Variants in SLC35D1 observed in about 807,000 individuals in gnomAD.
The protein encoded by SLC35D1 is nucleotide sugar transporter SLC35D1.
A neutral mutation model predicts 46.7 loss-of-function variants in SLC35D1; 31 were observed. That is an observed-to-expected ratio of 0.66 (90% CI 0.50 to 0.90). The LOEUF is 0.90. SLC35D1 is among the 40% of genes least tolerant of loss of function. The pLI, the probability that SLC35D1 is intolerant of heterozygous loss-of-function variation, is 0.00. For missense variants in SLC35D1, 397 were observed against 426.2 expected, an observed-to-expected ratio of 0.93 and a Z score of 0.60; for synonymous variants, 195 against 164.6, an observed-to-expected ratio of 1.18 and a Z score of -1.41.
At position 67,052,226 on chromosome 1, in the gene SLC35D1, A is replaced by C. The variant is rs888460481; in HGVS notation, c.325-147T>G. The C allele has an allele frequency of 7.6e-6, 5 of 659,240 alleles. No homozygotes were observed. In the Admixed American group the frequency reaches 9.8e-5, roughly 13 times the overall value. The allele number at this position is 659,240 out of a possible 1,614,324, so 40.8% of individuals were successfully genotyped here. A position where few individuals can be genotyped will look rare whatever the true frequency, so the allele number is the denominator to read the frequency against. ...GTTATCATACACAATTTTGACACCC[A>C]AACACCCAAACAAAACTTATGCTTG... On this transcript the variant is annotated intron_variant, in intron 3 of 11. Coordinates refer to ENST00000235345, the MANE Select transcript of SLC35D1 (RefSeq NM_015139.3).
At chr1:67,019,460 T>C (rs937753572) in intron 10 of SLC35D1, among the ~76,000 whole-genome samples, 4 of 152,206 alleles carry the variant, frequency 2.6e-5, no homozygotes, top group Non-Finnish European at 5.9e-5. Context: ...ATTTCATGAT[T>C]TGAAACCACA....
chr1:66,987,810 A>G, the SLC35D1 span: 1 of 152,202 alleles, frequency 6.6e-6, no homozygotes, highest in Non-Finnish European at 1.5e-5. Flanking sequence ...GACATATTGC[A>G]CTACTTTTTC....
chr1:66,978,539 C>A, the SLC35D1 span, among the ~76,000 whole-genome samples: 1 of 151,986 alleles, frequency 6.6e-6, no homozygotes, highest in Admixed American at 6.5e-5. Context: ...TGGTAGTATT[C>A]AAGCATAATA....
chr1:67,053,896 A>G lies in SLC35D1; in HGVS notation c.118T>C (p.Phe40Leu), dbSNP rs1313892822. The G allele has an allele frequency of 6.2e-7, 1 of 1,613,690 alleles. No homozygotes were observed. Among genetic ancestry groups the G allele is most frequent in the Non-Finnish European group, 8.5e-7 (1 of 1,179,728 alleles). The change falls in exon 1 of 12, where the codon TTT becomes CTT. Residue 40 changes from phenylalanine (F) to leucine (L), a missense_variant. Phe to Leu is a conservative substitution (Grantham distance 22). Coordinates refer to ENST00000235345, the MANE Select transcript of SLC35D1 (RefSeq NM_015139.3). ...AAGCCGGCGGCCAGCAGCTTCAGAA[A>G]CACGGTCAGCGTTTCGGCCGACGCC... is the stretch of plus-strand genomic sequence containing the variant. ...GMASAETLTV[F>L]LKLLAAGFYG... is the part of the protein sequence containing the mutation.
At chr1:67,052,566 C>T (rs532021836) in intron 3 of SLC35D1, among the ~76,000 whole-genome samples, 2 of 152,190 alleles carry the variant, frequency 1.3e-5, no homozygotes, top group African/African-American at 4.8e-5. Flanking sequence ...GAAGAATATT[C>T]CTAGGTTATT....
chr1:67,012,463 T>C (rs372031679), intron 10 of SLC35D1, among the ~76,000 whole-genome samples: 1 of 146,496 alleles, frequency 6.8e-6, no homozygotes, highest in African/African-American at 2.5e-5. Flanking sequence ...AAGAGACTAT[T>C]AGATTGAGTC....
the SLC35D1 span, chr1:66,986,364 T>A: frequency 6.3e-7 from 1 of 1,597,548 alleles, no homozygotes; most frequent in Non-Finnish European, 8.5e-7. Flanking sequence ...ATATCCAAAC[T>A]TTTATAAAAT....
intron 10 of SLC35D1, among the ~76,000 whole-genome samples, chr1:67,010,227 G>A (rs942464831): frequency 2.6e-5 from 4 of 152,136 alleles, no homozygotes; most frequent in Non-Finnish European, 4.4e-5. Flanking sequence ...AAGACTACCT[G>A]TTGAGTACTA....
chr1:67,043,090 G>A (rs552238826), intron 7 of SLC35D1, among the ~76,000 whole-genome samples: 2 of 152,216 alleles, frequency 1.3e-5, no homozygotes, highest in South Asian at 4.1e-4. Context: ...AGCTACTTGG[G>A]AGGCTGAGGC....
At chr1:66,988,783 C>T in the SLC35D1 span, among the ~76,000 whole-genome samples, 3 of 152,142 alleles carry the variant, frequency 2.0e-5, no homozygotes, top group Non-Finnish European at 4.4e-5. Context: ...CATTATGTTT[C>T]CATATACTCT....
At chr1:66,986,608 CCAATGTGAA>C in the SLC35D1 span, 136 of 695,600 alleles carry the variant, frequency 2.0e-4, no homozygotes, top group Non-Finnish European at 2.7e-4. Context: ...CTTCCCTTCA[CCAATGTGAA>C]CAACTTTTTT....
At chr1:66,990,135 T>TCAAA in the SLC35D1 span, among the ~76,000 whole-genome samples, 1 of 152,212 alleles carries the variant, frequency 6.6e-6, no homozygotes, top group Non-Finnish European at 1.5e-5. Context: ...TTTTGAGCTT[T>TCAAA]CAAACATCCT....
chr1:67,047,408 C>T, intron 6 of SLC35D1, 41 bp from the exon 7 acceptor site: 2 of 1,487,150 alleles, frequency 1.3e-6, no homozygotes, highest in Non-Finnish European at 1.9e-6. Flanking sequence ...ACTTAAAGAA[C>T]ATGCATTTAA....
At chr1:67,014,710 A>G (rs992708096) in intron 10 of SLC35D1, among the ~76,000 whole-genome samples, 30 of 108,506 alleles carry the variant, frequency 2.8e-4, no homozygotes, top group African/African-American at 1.1e-3. Flanking sequence ...TGGATTGATC[A>G]GACAGGTTTA....
intron 8 of SLC35D1, among the ~76,000 whole-genome samples, chr1:67,029,830 A>G (rs772911647): frequency 6.6e-6 from 1 of 152,214 alleles, no homozygotes; most frequent in Non-Finnish European, 1.5e-5. Context: ...AATCTCAAGT[A>G]TGTTTACATT....
intron 1 of SLC35D1, among the ~76,000 whole-genome samples, chr1:67,053,432 G>T (rs969560049): frequency 3.4e-4 from 52 of 152,202 alleles, no homozygotes; most frequent in African/African-American, 1.2e-3. Context: ...CCCTGTCCAG[G>T]CTGCGGAGGA....
intron 7 of SLC35D1, among the ~76,000 whole-genome samples, chr1:67,045,543 TAGG>T (rs1202273188): frequency 1.3e-5 from 2 of 152,216 alleles, no homozygotes; most frequent in African/African-American, 2.4e-5. Flanking sequence ...AGATATGAGC[TAGG>T]AGAAGTAATC....
intron 8 of SLC35D1, among the ~76,000 whole-genome samples, chr1:67,041,169 AT>A (rs977832095): frequency 6.6e-6 from 1 of 151,888 alleles, no homozygotes. Context: ...TTCTTGTCCC[AT>A]TTTTTTTCAC....
At position 67,000,655 on chromosome 1, in the gene SLC35D1, C is replaced by T. The variant is rs1330286862; in HGVS notation, c.*3685G>A. ...CATTTGCTGAGGGCCTAATATGTACCAGGCATTGTGCTAAGTAGTTTCATA... is the reference window on the plus strand; with the variant it reads ...CATTTGCTGAGGGCCTAATATGTACTAGGCATTGTGCTAAGTAGTTTCATA... On this transcript the variant is annotated 3_prime_UTR_variant, in exon 12 of 12. Transcript: ENST00000235345. The T allele has an allele frequency of 6.6e-6, 1 of 152,160 alleles. No individual in the cohort carries two copies. The highest frequency in any genetic ancestry group is 1.5e-5 in the Non-Finnish European group (1 of 68,032). 9.4% of individuals were successfully genotyped at this position (152,160 alleles called of 1,614,324 possible). A position where few individuals can be genotyped will look rare whatever the true frequency, so the allele number is the denominator to read the frequency against.
Sources: gnomAD v4.1 joint callset for allele counts (sites outside exome capture counted in the v4.1 genomes callset) on GRCh38, gnomAD v4.1.1 for gene constraint, MANE v1.5 for transcripts, NCBI Gene and HGNC (gene_info 2026-07-23, HGNC 2026-07-21) for gene names.